Variants in ZNF695 observed in about 807,000 individuals in gnomAD.
The protein encoded by ZNF695 is zinc finger protein 695.
Under a neutral mutation model 11.2 loss-of-function variants are expected in ZNF695, and 11 were observed. The ratio of observed to expected loss-of-function variants is 0.98; its 90% confidence interval spans 0.62 to 1.62. ZNF695 has a LOEUF of 1.62. Among genes scored for constraint, ZNF695 ranks in the 40% most tolerant of loss-of-function variants. The pLI, the probability that ZNF695 is intolerant of heterozygous loss-of-function variation, is 0.00. For synonymous variants in ZNF695, 190 were observed against 201.4 expected, an observed-to-expected ratio of 0.94 and a Z score of 0.48; for missense variants, 559 against 590.5, an observed-to-expected ratio of 0.95 and a Z score of 0.55.
chr1:246,958,690 G>A (rs1040348055), intron 5 of ZNF695, among the ~76,000 whole-genome samples: 1 of 152,152 alleles, frequency 6.6e-6, no homozygotes, highest in African/African-American at 2.4e-5. Flanking sequence ...TCAGAAACCA[G>A]CCATCCATTC....
chr1:246,965,046 A>G (rs1668251953), intron 5 of ZNF695, among the ~76,000 whole-genome samples: 1 of 152,062 alleles, frequency 6.6e-6, no homozygotes, highest in South Asian at 2.1e-4. Context: ...ATGGTTTATT[A>G]TGGGAATCAG....
chr1:246,998,142 G>C (rs1315905802), intron 3 of ZNF695, among the ~76,000 whole-genome samples: 1 of 152,020 alleles, frequency 6.6e-6, no homozygotes. Context: ...CCGTACAATA[G>C]TTATCCAATT....
At chr1:246,945,754 C>G (rs1032178414) in exon 6 of ZNF695, 29 of 1,549,906 alleles carry the variant, frequency 1.9e-5, no homozygotes, top group Non-Finnish European at 2.4e-5. Flanking sequence ...AGCAGGGAGT[C>G]CAGGCACTGT....
intron 5 of ZNF695, among the ~76,000 whole-genome samples, chr1:246,964,112 C>T (rs745680236): frequency 3.9e-5 from 6 of 152,126 alleles, no homozygotes; most frequent in Non-Finnish European, 7.4e-5. Flanking sequence ...GTGGCTTCCA[C>T]GCCCCCTCCA....
intron 1 of ZNF695, among the ~76,000 whole-genome samples, chr1:247,007,439 T>C (rs1407796917): frequency 7.5e-6 from 1 of 132,548 alleles, no homozygotes; most frequent in African/African-American, 3.0e-5. Context: ...GAGGTTGCGG[T>C]GAGCCGAGAT....
chr1:246,978,477 A>G (rs1235349763), intron 4 of ZNF695, among the ~76,000 whole-genome samples: 2 of 152,236 alleles, frequency 1.3e-5, no homozygotes, highest in Non-Finnish European at 2.9e-5. Flanking sequence ...TGATGATGCA[A>G]CACATAAAAG....
intron 3 of ZNF695, among the ~76,000 whole-genome samples, chr1:246,988,819 G>A (rs111476281): frequency 1.3e-3 from 201 of 152,246 alleles, no homozygotes; most frequent in African/African-American, 4.4e-3. Flanking sequence ...GGCCGGGCGC[G>A]GTGGCTCACG....
chr1:246,988,966 C>A (rs765534310), intron 3 of ZNF695, among the ~76,000 whole-genome samples: 1 of 152,028 alleles, frequency 6.6e-6, no homozygotes, highest in African/African-American at 2.4e-5. Context: ...TGGTGGCAGG[C>A]GCCTGTAGTC....
In ZNF695 at chr1:247,006,140, G is replaced by A. The variant is rs543995997; in HGVS notation, c.3+1766C>T. ...CTCGGGAGGCTGAGACAGGAGTATC[G>A]CTTGAACCCGGGAGGCAGAGGTTGC... On this transcript the variant is annotated intron_variant, in intron 1 of 3. Coordinates refer to ENST00000339986, the MANE Select transcript of ZNF695 (RefSeq NM_020394.5). Among the ~76,000 whole-genome samples, 5 of 151,224 alleles carry A rather than the reference G, an allele frequency of 3.3e-5. No individual in the cohort carries two copies. The East Asian group carries it at 5.9e-4, about 18-fold the overall frequency.
At chr1:246,995,744 C>T (rs1265346707) in intron 3 of ZNF695, among the ~76,000 whole-genome samples, 1 of 142,840 alleles carries the variant, frequency 7.0e-6, no homozygotes, top group Non-Finnish European at 1.5e-5. Context: ...GAACCCGGGA[C>T]GCAGTTTGCA....
intron 5 of ZNF695, chr1:246,967,690 C>A: frequency 2.6e-6 from 1 of 378,802 alleles, no homozygotes; most frequent in Non-Finnish European, 5.2e-6. Flanking sequence ...ATTTAATCAA[C>A]TCACGGTTCT....
chr1:246,992,163 C>CAA (rs57295361), intron 3 of ZNF695, among the ~76,000 whole-genome samples: 8 of 138,106 alleles, frequency 5.8e-5, no homozygotes, highest in Admixed American at 2.2e-4. Flanking sequence ...GACTCTGTCT[C>CAA]AAAAAAAAAA....
intron 4 of ZNF695, among the ~76,000 whole-genome samples, chr1:246,972,004 G>C (rs1027962680): frequency 6.6e-6 from 1 of 152,204 alleles, no homozygotes; most frequent in African/African-American, 2.4e-5. Context: ...CCAAAGTGCT[G>C]GGATTGCCTC....
intron 3 of ZNF695, among the ~76,000 whole-genome samples, chr1:246,992,073 A>C (rs1035502260): frequency 3.9e-5 from 6 of 152,050 alleles, no homozygotes; most frequent in Admixed American, 6.6e-5. Context: ...CTGAGACGGG[A>C]GAACAGCGTC....
intron 4 of ZNF695, among the ~76,000 whole-genome samples, chr1:246,973,345 G>A (rs534488466): frequency 7.9e-5 from 12 of 152,252 alleles, no homozygotes; most frequent in Middle Eastern, 3.4e-3. Context: ...CACCGTGCCC[G>A]GCCGAACGTC....
rs150755677 is a variant in ZNF695 at position 246,974,498 on chromosome 1, T to C, written c.391-6706A>G. 9.2e-5 allele frequency among the ~76,000 whole-genome samples: 14 copies of C among 152,328 alleles called. No homozygotes were observed. In the East Asian group the frequency reaches 2.5e-3, roughly 27 times the overall value. The stretch of plus-strand genomic sequence containing the variant: ...AGATTTGTGGACTACCATGTACATA[T>C]AGTTAGCTATATCGTATCATACATC... On this transcript the variant is annotated intron_variant, in intron 4 of 5. Transcript: ENST00000487338.
intron 5 of ZNF695, among the ~76,000 whole-genome samples, chr1:246,955,634 T>C: frequency 6.6e-6 from 1 of 152,236 alleles, no homozygotes; most frequent in African/African-American, 2.4e-5. Context: ...TCCATTTTCT[T>C]TTGTACAAAG....
intron 5 of ZNF695, among the ~76,000 whole-genome samples, chr1:246,956,201 G>A (rs140416084): frequency 0.095 from 14,298 of 151,136 alleles, 734 homozygotes; most frequent in Middle Eastern, 0.16. Flanking sequence ...AGTTGGCCAG[G>A]CTGGTCTTGA....
At chr1:246,953,739 G>A (rs904252142) in intron 5 of ZNF695, among the ~76,000 whole-genome samples, 3 of 151,790 alleles carry the variant, frequency 2.0e-5, no homozygotes, top group Admixed American at 6.6e-5. Flanking sequence ...CCTGACCAAC[G>A]TGGTAAAAAT....
Sources: gnomAD v4.1 joint callset for allele counts (sites outside exome capture counted in the v4.1 genomes callset) on GRCh38, gnomAD v4.1.1 for gene constraint, MANE v1.5 for transcripts, NCBI Gene and HGNC (gene_info 2026-07-23, HGNC 2026-07-21) for gene names.